NPHS1: variants seen among roughly 807,000 people sequenced by gnomAD.
NPHS1 encodes the protein nephrin.
NPHS1 carries 107 observed loss-of-function variants against 139.7 expected under a neutral mutation model. That is an observed-to-expected ratio of 0.77 (90% CI 0.66 to 0.90). NPHS1 has a LOEUF of 0.90. Ranked by LOEUF, NPHS1 falls within the 40% of genes least tolerant of loss-of-function variation. The pLI, the probability that NPHS1 is intolerant of heterozygous loss-of-function variation, is 0.00. For missense variants in NPHS1, 1,580 were observed against 1,654.2 expected, an observed-to-expected ratio of 0.96 and a Z score of 0.78; for synonymous variants, 707 against 706.6, an observed-to-expected ratio of 1.00 and a Z score of -0.01.
At chr19:35,835,580 G>A (rs1269240890) in intron 23 of NPHS1, 125 bp downstream of exon 23, 8 of 882,006 alleles carry the variant, frequency 9.1e-6, no homozygotes, top group Non-Finnish European at 1.3e-5. Context: ...ACAGGCGTGA[G>A]CGACTGAGCT....
At chr19:35,830,466 G>C (rs938923856) in intron 28 of NPHS1, among the ~76,000 whole-genome samples, 1 of 152,252 alleles carries the variant, frequency 6.6e-6, no homozygotes, top group Non-Finnish European at 1.5e-5. Context: ...CTGGAGTGCA[G>C]TGGCACCATC....
intron 9 of NPHS1, 113 bp downstream of exon 9, chr19:35,848,524 A>G (rs1188876905): frequency 2.5e-6 from 4 of 1,576,950 alleles, no homozygotes; most frequent in African/African-American, 1.4e-5. Context: ...TGTTGGACCC[A>G]TGGTCCTCAA....
chr19:35,845,822 G>C lies in NPHS1; in HGVS notation c.1628-24C>G, dbSNP rs1306309902. 2 of 1,609,284 alleles carry C rather than the reference G, an allele frequency of 1.2e-6. No individual in the cohort carries two copies. Among genetic ancestry groups the C allele is most frequent in the East Asian group, 2.2e-5 (1 of 44,756 alleles). ...AACTGGGAGACGGGGTTGGAGGAGCGAGACTCAGAGGTTAGGGGCGGCCTG... is the reference window on the plus strand; with the variant it reads ...AACTGGGAGACGGGGTTGGAGGAGCCAGACTCAGAGGTTAGGGGCGGCCTG... On this transcript the variant is annotated intron_variant, in intron 12 of 28. Transcript: ENST00000378910. This position sits in a 1 kb window ranked among gnomAD's most constrained non-coding sequence, Gnocchi z 5.5.
chr19:35,826,520 C>G lies in NPHS1; in HGVS notation c.3720G>C (p.Leu1240=). The change falls in exon 29 of 29, where the codon CTG becomes CTC. Residue 1240 remains leucine (L), a synonymous_variant. Coordinates refer to ENST00000378910, the MANE Select transcript of NPHS1 (RefSeq NM_004646.4). Reference sequence around the variant, plus strand: ...AATGGGGTTGAGAGGGCTCTTACACCAGATGTCCCCTCAGCTCGAAGGGCA... The same window carrying G: ...AATGGGGTTGAGAGGGCTCTTACACGAGATGTCCCCTCAGCTCGAAGGGCA... ...DSLPFELRGH[L]V 1 of 1,613,678 alleles carries G rather than the reference C, an allele frequency of 6.2e-7. No individual in the cohort carries two copies.
At chr19:35,844,544 G>C in intron 14 of NPHS1, 85 bp from the exon 15 acceptor site, 1 of 1,442,676 alleles carries the variant, frequency 6.9e-7, no homozygotes. Flanking sequence ...AGGTTCAAGG[G>C]TTAAAGTTGG....
intron 23 of NPHS1, among the ~76,000 whole-genome samples, chr19:35,834,016 C>T (rs192816834): frequency 0.026 from 4,007 of 151,942 alleles, 169 homozygotes; most frequent in African/African-American, 0.092. Context: ...CATTCTTTTT[C>T]GTGTTGACAA....
intron 23 of NPHS1, 111 bp from the exon 24 acceptor site, chr19:35,831,873 A>G: frequency 8.5e-7 from 1 of 1,180,934 alleles, no homozygotes; most frequent in Non-Finnish European, 1.2e-6. Context: ...AGGGTCAGAG[A>G]AACAGATGGG....
chr19:35,845,509 C>G lies in NPHS1; in HGVS notation c.1789G>C (p.Ala597Pro), dbSNP rs770949004. The stretch of plus-strand genomic sequence containing the variant: ...GCGGCGGCGGAGCCTTTGAATGGGG[C>G]TCTCCGGGGTGGGGCGGCCACGCCC... ...LEGVAAPPRR[A>P]PFKGSAAARS... The change falls in exon 14 of 29, where the codon GCC (alanine) becomes CCC (proline). Residue 597 changes from alanine (A) to proline (P), a missense_variant. Transcript: ENST00000378910. This position sits in a 1 kb window ranked among gnomAD's most constrained non-coding sequence, Gnocchi z 5.5. The G allele has an allele frequency of 2.1e-5, 34 of 1,611,442 alleles. No individual in the cohort carries two copies. The highest frequency in any genetic ancestry group is 2.7e-5 in the African/African-American group (2 of 74,892).
At chr19:35,833,625 C>G (rs772375390) in intron 23 of NPHS1, among the ~76,000 whole-genome samples, 1 of 152,138 alleles carries the variant, frequency 6.6e-6, no homozygotes, top group South Asian at 2.1e-4. Flanking sequence ...GGGTGAGAAA[C>G]AGATCGCTGG....
At chr19:35,827,022 C>T (rs1356889322) in intron 28 of NPHS1, among the ~76,000 whole-genome samples, 2 of 152,176 alleles carry the variant, frequency 1.3e-5, no homozygotes, top group East Asian at 3.9e-4. Flanking sequence ...GTCACCCAGG[C>T]TGGAGTGCAA....
chr19:35,851,367 TGTGCAG>T lies in NPHS1; in HGVS notation c.286_291del (p.Leu96_His97del), dbSNP rs775429908. ...TCATCGCTGAGGTCACAGGCCTCGA[TGTGCAG>T]GTGGAATTCACCTGCAGGGGGAGCC... On this transcript the variant is annotated inframe_deletion, in exon 3 of 29. Transcript: ENST00000378910. 1 of 1,613,300 alleles carries T rather than the reference TGTGCAG, an allele frequency of 6.2e-7. No homozygotes were observed. Among genetic ancestry groups the T allele is most frequent in the South Asian group, 1.1e-5 (1 of 90,988 alleles).
In NPHS1 at chr19:35,842,421, C is replaced by A; in HGVS notation, c.2464G>T (p.Val822Leu). 6.2e-7 allele frequency: 1 copy of A among 1,614,144 alleles called. No homozygotes were observed. Among genetic ancestry groups the A allele is most frequent in the East Asian group, 2.2e-5 (1 of 44,886 alleles). ...AGCAGCCGTCGTGCTGGAGGCGCCA[C>A]CCCATTGTCCACAATGCACTGGTAA... ...GAYQCIVDNG[V>L]APPARRLLRL... Residue 822 changes from valine (V) to leucine (L), a missense_variant, in exon 18 of 29, where the codon GTG (valine) becomes TTG (leucine). Physicochemically the swap from Val to Leu is conservative, Grantham distance 32. Transcript: ENST00000378910.
chr19:35,835,844 T>C (rs1972950324), intron 22 of NPHS1, 83 bp from the exon 23 acceptor site: 1 of 1,254,256 alleles, frequency 8.0e-7, no homozygotes, highest in Non-Finnish European at 1.2e-6. Flanking sequence ...TTCTTAAGCC[T>C]ATTAGATTCA....
chr19:35,826,407 T>G lies in NPHS1; in HGVS notation c.*107A>C. On this transcript the variant is annotated 3_prime_UTR_variant, in exon 29 of 29. Coordinates refer to ENST00000378910, the MANE Select transcript of NPHS1 (RefSeq NM_004646.4). ...ATGTCCTCTCCTGACACCAAGTCCCTTTGGGTTTTATGGAGCTCACCTAAC... is the reference window on the plus strand; with the variant it reads ...ATGTCCTCTCCTGACACCAAGTCCCGTTGGGTTTTATGGAGCTCACCTAAC... 2.2e-6 allele frequency: 3 copies of G among 1,349,806 alleles called. No individual in the cohort carries two copies. The highest frequency in any genetic ancestry group is 2.1e-6 in the Non-Finnish European group (2 of 945,502). The allele number at this position is 1,349,806 out of a possible 1,614,324, so 83.6% of individuals were successfully genotyped here.
chr19:35,846,629 T>C (rs1050022024), intron 11 of NPHS1, among the ~76,000 whole-genome samples: 5 of 152,232 alleles, frequency 3.3e-5, no homozygotes, highest in Admixed American at 2.0e-4. Context: ...TCCCCAAAGA[T>C]TTCCTTTGAA....
At chr19:35,841,090 G>A (rs566429959) in intron 20 of NPHS1, among the ~76,000 whole-genome samples, 31 of 150,784 alleles carry the variant, frequency 2.1e-4, no homozygotes, top group Non-Finnish European at 3.5e-4. Flanking sequence ...ACATGCAGAC[G>A]TAAGAATGAA....
intron 22 of NPHS1, 83 bp downstream of exon 22, chr19:35,839,154 A>C: frequency 7.4e-7 from 1 of 1,345,184 alleles, no homozygotes; most frequent in Non-Finnish European, 1.1e-6. Flanking sequence ...ACTCATCATA[A>C]AAGGGGAATA....
intron 28 of NPHS1, among the ~76,000 whole-genome samples, chr19:35,828,465 C>A (rs1972829977): frequency 1.3e-5 from 2 of 152,118 alleles, no homozygotes; most frequent in African/African-American, 4.8e-5. Context: ...GGGGTTTCAC[C>A]ATGTTGGTCA....
chr19:35,842,245 T>C lies in NPHS1; in HGVS notation c.2542A>G (p.Lys848Glu). Residue 848 changes from lysine to glutamate, a missense_variant, in exon 19 of 29, where the codon AAG becomes GAG. Transcript: ENST00000378910. ...PQVEHPTPLTKVAAAGDSTSS... is the reference protein window; with the variant it reads ...PQVEHPTPLTEVAAAGDSTSS... Reference sequence around the variant, plus strand: ...GTGCTGTCTCCAGCTGCAGCCACCTTAGTTAGGGGAGTGGGGTGCTCCACC... The same window carrying C: ...GTGCTGTCTCCAGCTGCAGCCACCTCAGTTAGGGGAGTGGGGTGCTCCACC... The C allele has an allele frequency of 2.5e-6, 4 of 1,613,304 alleles. No individual in the cohort carries two copies. The highest frequency in any genetic ancestry group is 3.4e-6 in the Non-Finnish European group (4 of 1,179,930).
Sources: allele counts gnomAD v4.1 joint callset (sites outside exome capture counted in the v4.1 genomes callset), GRCh38; gene constraint gnomAD v4.1.1; non-coding constraint Gnocchi (gnomAD v3.1); transcripts MANE v1.5; gene names NCBI Gene and HGNC (gene_info 2026-07-23, HGNC 2026-07-21).